Variants in MSH4 observed in about 807,000 individuals in gnomAD.
MSH4 encodes mutS homolog 4.
MSH4 carries 106 observed loss-of-function variants against 113.7 expected under a neutral mutation model. The observed-to-expected ratio is 0.93, with a 90% CI of 0.80 to 1.10. The LOEUF is 1.10. Ranked by LOEUF, MSH4 falls within the 50% of genes least tolerant of loss-of-function variation. The pLI is 0.00. For missense variants in MSH4, 1,061 were observed against 1,093.7 expected (o/e 0.97, Z 0.42); for synonymous variants, 368 against 380.2 (o/e 0.97, Z 0.37).
intron 8 of MSH4, among the ~76,000 whole-genome samples, chr1:75,862,029 C>G (rs1355387991): frequency 6.6e-6 from 1 of 152,044 alleles, no homozygotes; most frequent in East Asian, 1.9e-4. Context: ...CTCCCACATC[C>G]CAGGTTGATC....
intron 19 of MSH4, among the ~76,000 whole-genome samples, chr1:75,907,378 G>T (rs1652683179): frequency 6.6e-6 from 1 of 151,908 alleles, no homozygotes; most frequent in South Asian, 2.1e-4. Flanking sequence ...GTTGCCAGAT[G>T]AATTGGAGCT....
chr1:75,798,042 C>T (rs1397860101), intron 1 of MSH4, among the ~76,000 whole-genome samples: 1 of 152,160 alleles, frequency 6.6e-6, no homozygotes, highest in Non-Finnish European at 1.5e-5. Flanking sequence ...CACACGATTG[C>T]AACACAATGG....
chr1:75,804,731 G>A (rs12119259), intron 2 of MSH4, among the ~76,000 whole-genome samples: 12,951 of 151,866 alleles, frequency 0.085, 715 homozygotes, highest in Admixed American at 0.13. Flanking sequence ...GGCTGGTCTC[G>A]AACTCCTGAC....
intron 13 of MSH4, 129 bp from the exon 14 acceptor site, chr1:75,881,117 A>G: frequency 1.5e-6 from 1 of 679,280 alleles, no homozygotes; most frequent in Middle Eastern, 4.3e-4. Flanking sequence ...AATAGGCTTT[A>G]TCTATAGTGT....
At chr1:75,909,658 C>T (rs553103653) in intron 19 of MSH4, among the ~76,000 whole-genome samples, 2 of 151,364 alleles carry the variant, frequency 1.3e-5, no homozygotes, top group African/African-American at 2.4e-5. Context: ...ACCCCCTCCC[C>T]CCGCTGACAG....
chr1:75,883,714 C>T lies in MSH4; in HGVS notation c.2000C>T (p.Thr667Ile). The change falls in exon 15 of 20, where the codon ACC (threonine) becomes ATC (isoleucine). Residue 667 changes from threonine to isoleucine, a missense_variant. By Grantham distance (89) the Thr-to-Ile change is moderately conservative. Coordinates refer to ENST00000263187, the MANE Select transcript of MSH4 (RefSeq NM_002440.4). Reference protein sequence around the residue: ...ISAEKPIANNTYVTEGSNFLI... With the variant: ...ISAEKPIANNIYVTEGSNFLI... The stretch of plus-strand genomic sequence containing the variant: ...GCGGAAAAACCTATTGCCAACAATA[C>T]CTATGTTACAGAAGGGAGTAATTTT... The T allele has an allele frequency of 4.3e-6, 7 of 1,612,588 alleles. No homozygotes were observed. The highest frequency in any genetic ancestry group is 5.9e-6 in the Non-Finnish European group (7 of 1,179,136).
intron 7 of MSH4, among the ~76,000 whole-genome samples, chr1:75,838,157 A>G (rs1034096667): frequency 1.3e-5 from 2 of 152,234 alleles, no homozygotes; most frequent in African/African-American, 2.4e-5. Context: ...GTATGTCAGC[A>G]GGTCTACATT....
intron 7 of MSH4, among the ~76,000 whole-genome samples, chr1:75,843,251 G>A (rs546652451): frequency 3.3e-4 from 50 of 152,202 alleles, no homozygotes; most frequent in Admixed American, 1.1e-3. Context: ...GGCCACTACC[G>A]GTCTCCGTGC....
intron 7 of MSH4, among the ~76,000 whole-genome samples, chr1:75,831,990 T>A (rs1281628529): frequency 1.3e-5 from 2 of 151,926 alleles, no homozygotes; most frequent in African/African-American, 4.8e-5. Flanking sequence ...AATCAATGAA[T>A]CAAGGAGCTG....
At chr1:75,888,609 C>CTT (rs11393002) in intron 15 of MSH4, among the ~76,000 whole-genome samples, 4 of 151,418 alleles carry the variant, frequency 2.6e-5, no homozygotes, top group East Asian at 3.9e-4. Flanking sequence ...TTTCATATTT[C>CTT]TTTTTTTAAT....
intron 9 of MSH4, among the ~76,000 whole-genome samples, chr1:75,870,770 A>G (rs1359961676): frequency 6.6e-6 from 1 of 152,174 alleles, no homozygotes; most frequent in African/African-American, 2.4e-5. Flanking sequence ...TGTCTTTCTT[A>G]GCAGCATGAG....
At position 75,878,130 on chromosome 1, in the gene MSH4, C is replaced by A. The variant is rs1041835223; in HGVS notation, c.1371-19C>A. 11 of 1,512,062 alleles carry A rather than the reference C, an allele frequency of 7.3e-6. No individual in the cohort carries two copies. Among genetic ancestry groups the A allele is most frequent in the Non-Finnish European group, 9.8e-6 (11 of 1,120,598 alleles). The allele number at this position is 1,512,062 out of a possible 1,614,324, so 93.7% of individuals were successfully genotyped here. ...TTGACTTATTGCCTATAATGTTTTT[C>A]TTTTGGCCTTAATATTAGGTTTGGA... On this transcript the variant is annotated intron_variant, in intron 10 of 19. Coordinates refer to ENST00000263187, the MANE Select transcript of MSH4 (RefSeq NM_002440.4).
intron 2 of MSH4, among the ~76,000 whole-genome samples, chr1:75,805,927 G>A (rs1399227635): frequency 6.6e-6 from 1 of 151,642 alleles, no homozygotes; most frequent in Non-Finnish European, 1.5e-5. Flanking sequence ...TAATTTATTG[G>A]TTATTATGGT....
At chr1:75,854,644 G>T (rs975334167) in intron 8 of MSH4, among the ~76,000 whole-genome samples, 2 of 151,996 alleles carry the variant, frequency 1.3e-5, no homozygotes, top group Non-Finnish European at 2.9e-5. Context: ...TCCTATTTGG[G>T]CCCTAACAAC....
rs5745472 is a variant in MSH4 at position 75,882,084 on chromosome 1, A to T, written c.1906+714A>T. On this transcript the variant is annotated intron_variant, in intron 14 of 19. Coordinates refer to ENST00000263187, the MANE Select transcript of MSH4 (RefSeq NM_002440.4). ...AATTTACTTTTATGGGATGTATCTT[A>T]AGATTTTTTCATATTTCTTATGGAA... 3.9e-4 allele frequency among the ~76,000 whole-genome samples: 60 copies of T among 152,204 alleles called. 1 individual carries two copies. The East Asian group carries it at 0.011, about 28-fold the overall frequency.
At chr1:75,906,335 G>T (rs7523573) in intron 19 of MSH4, among the ~76,000 whole-genome samples, 27,136 of 140,560 alleles carry the variant, frequency 0.19, 2,855 homozygotes, top group Middle Eastern at 0.28. Flanking sequence ...CTACCATTTT[G>T]TTACTTGTTA....
rs558856556 is a variant in MSH4, at chr1:75,837,160, G to A, written c.1163-11049G>A. 8.5e-5 allele frequency among the ~76,000 whole-genome samples: 13 copies of A among 152,172 alleles called. No individual in the cohort carries two copies. In the East Asian group the frequency reaches 1.9e-3, roughly 23 times the overall value. On this transcript the variant is annotated intron_variant, in intron 7 of 19. Coordinates refer to ENST00000263187, the MANE Select transcript of MSH4 (RefSeq NM_002440.4). The stretch of plus-strand genomic sequence containing the variant: ...AGTGCCCTTATAAGAGAAGCTCAAG[G>A]GAGACTCCTTGCCCCTTCTACCATG...
chr1:75,861,870 C>G (rs1415431226), intron 8 of MSH4, among the ~76,000 whole-genome samples: 3 of 152,082 alleles, frequency 2.0e-5, no homozygotes, highest in South Asian at 2.1e-4. Context: ...TGCCCTGCCC[C>G]CAGAGGTGGA....
chr1:75,814,460 G>A (rs1339474620), intron 4 of MSH4, among the ~76,000 whole-genome samples: 3 of 151,850 alleles, frequency 2.0e-5, no homozygotes, highest in African/African-American at 7.3e-5. Flanking sequence ...GTGAGACCCT[G>A]TCTCAAAAAG....
Sources: gnomAD v4.1 joint callset for allele counts (sites outside exome capture counted in the v4.1 genomes callset) on GRCh38, gnomAD v4.1.1 for gene constraint, MANE v1.5 for transcripts, NCBI Gene and HGNC (gene_info 2026-07-23, HGNC 2026-07-21) for gene names.